Variants in PTPRD observed in about 807,000 individuals in gnomAD.
The protein encoded by PTPRD is protein tyrosine phosphatase receptor type D, also known as receptor-type tyrosine-protein phosphatase delta.
A neutral mutation model predicts 214.5 loss-of-function variants in PTPRD; 34 were observed. The observed-to-expected ratio is 0.16, with a 90% confidence interval of 0.12 to 0.21. PTPRD has a LOEUF of 0.21. Among genes scored for constraint, PTPRD ranks in the 10% least tolerant of loss-of-function variants. The pLI, the probability that PTPRD is intolerant of heterozygous loss-of-function variation, is 1.00. For missense variants in PTPRD, 2,545 were observed against 2,398.7 expected (o/e 1.06, Z -1.27); for synonymous variants, 1,128 against 845.7 (o/e 1.33, Z -5.79).
chr9:10,349,869 C>T lies in PTPRD; in HGVS notation c.-599-8852G>A, dbSNP rs532115032. Among the ~76,000 whole-genome samples the T allele has an allele frequency of 3.9e-4, 60 of 152,250 alleles. No homozygotes were observed. In the South Asian group the frequency reaches 1.0e-2, roughly 25 times the overall value. On this transcript the variant is annotated intron_variant, in intron 2 of 45. Transcript: ENST00000381196. The stretch of plus-strand genomic sequence containing the variant: ...TAGAGACAGGGTTTCACCATATTGG[C>T]CAGGTAGGTCTCGAACTCCTGACCT...
intron 3 of PTPRD, among the ~76,000 whole-genome samples, chr9:10,255,133 G>A (rs570634280): frequency 2.0e-5 from 3 of 152,334 alleles, no homozygotes; most frequent in East Asian, 3.9e-4. Flanking sequence ...ATCTGGCTCT[G>A]CTAACCTCAA....
At chr9:9,048,740 C>G (rs1253774504) in intron 10 of PTPRD, among the ~76,000 whole-genome samples, 2 of 152,012 alleles carry the variant, frequency 1.3e-5, no homozygotes, top group Non-Finnish European at 2.9e-5. Flanking sequence ...TGAATAAGAC[C>G]TGCTATTTGA....
At chr9:8,976,882 G>T (rs962697159) in intron 11 of PTPRD, among the ~76,000 whole-genome samples, 1 of 152,044 alleles carries the variant, frequency 6.6e-6, no homozygotes, top group African/African-American at 2.4e-5. Context: ...TTTTTTCTAC[G>T]AGGATGATGT....
intron 3 of PTPRD, among the ~76,000 whole-genome samples, chr9:10,298,173 A>T (rs1046460131): frequency 1.1e-4 from 16 of 152,110 alleles, no homozygotes. Context: ...ATCAAACAAC[A>T]ATCTTCTTTA....
intron 14 of PTPRD, among the ~76,000 whole-genome samples, chr9:8,536,660 A>C (rs2077015745): frequency 6.6e-6 from 1 of 151,988 alleles, no homozygotes. Flanking sequence ...TGTAATTTCT[A>C]CTTAATTACC....
At chr9:8,750,451 C>T (rs10123888) in intron 11 of PTPRD, among the ~76,000 whole-genome samples, 8,727 of 152,084 alleles carry the variant, frequency 0.057, 642 homozygotes, top group African/African-American at 0.17. Flanking sequence ...AGCCACCATG[C>T]CCGGCCAAGT....
intron 5 of PTPRD, among the ~76,000 whole-genome samples, chr9:9,866,408 CATAA>C (rs2063960165): frequency 6.6e-6 from 1 of 151,986 alleles, no homozygotes; most frequent in African/African-American, 2.4e-5. Context: ...ATGTGGTGGC[CATAA>C]ATATGTTTTT....
intron 7 of PTPRD, among the ~76,000 whole-genome samples, chr9:9,614,204 GT>G (rs1377936920): frequency 2.0e-5 from 3 of 151,928 alleles, no homozygotes; most frequent in Non-Finnish European, 4.4e-5. Context: ...TTACAAAGTG[GT>G]TAATTTTAGA....
At chr9:8,920,245 G>T (rs1229595950) in intron 11 of PTPRD, among the ~76,000 whole-genome samples, 1 of 151,948 alleles carries the variant, frequency 6.6e-6, no homozygotes, top group East Asian at 1.9e-4. Context: ...GGGGGCTGAG[G>T]CAGGAGAATT....
chr9:10,413,430 C>T (rs2098457132), intron 2 of PTPRD, among the ~76,000 whole-genome samples: 1 of 151,880 alleles, frequency 6.6e-6, no homozygotes, highest in Non-Finnish European at 1.5e-5. Flanking sequence ...ATGATAAGAA[C>T]TACAAAATAT....
intron 10 of PTPRD, among the ~76,000 whole-genome samples, chr9:9,073,554 G>A (rs1435359838): frequency 6.6e-6 from 1 of 152,054 alleles, no homozygotes; most frequent in African/African-American, 2.4e-5. Context: ...TAAATTTGCT[G>A]AAGGCCAAGA....
intron 8 of PTPRD, among the ~76,000 whole-genome samples, chr9:9,556,489 T>C (rs2081536900): frequency 6.6e-6 from 1 of 152,212 alleles, no homozygotes; most frequent in Non-Finnish European, 1.5e-5. Context: ...ATAACAGTCA[T>C]AAATAGATTG....
chr9:9,062,745 A>C (rs935334223), intron 10 of PTPRD, among the ~76,000 whole-genome samples: 17 of 152,204 alleles, frequency 1.1e-4, no homozygotes, highest in Non-Finnish European at 1.5e-5. Flanking sequence ...TGTAAATATC[A>C]TATGGCTGCT....
chr9:9,261,830 A>G (rs2099980264), intron 9 of PTPRD, among the ~76,000 whole-genome samples: 1 of 151,822 alleles, frequency 6.6e-6, no homozygotes, highest in Non-Finnish European at 1.5e-5. Context: ...TTATCTCTGC[A>G]AGGAGTGGAA....
chr9:8,405,510 G>C (rs1168084917), intron 35 of PTPRD, among the ~76,000 whole-genome samples: 1 of 151,822 alleles, frequency 6.6e-6, no homozygotes, highest in Non-Finnish European at 1.5e-5. Context: ...TATTTAAGTA[G>C]AATCATCATT....
intron 4 of PTPRD, among the ~76,000 whole-genome samples, chr9:10,017,981 T>C (rs2096758234): frequency 6.6e-6 from 1 of 152,172 alleles, no homozygotes; most frequent in Non-Finnish European, 1.5e-5. Context: ...TTCTAGGACT[T>C]AGCTTCTACC....
chr9:9,378,688 T>C (rs1272877821), intron 9 of PTPRD, among the ~76,000 whole-genome samples: 4 of 151,972 alleles, frequency 2.6e-5, no homozygotes, highest in Non-Finnish European at 4.4e-5. Context: ...GTTTTGTCAG[T>C]GTTCTGGGAT....
intron 3 of PTPRD, among the ~76,000 whole-genome samples, chr9:10,241,513 A>G (rs1400950888): frequency 1.3e-5 from 2 of 152,008 alleles, no homozygotes; most frequent in Non-Finnish European, 2.9e-5. Context: ...CTACTACTTC[A>G]CAACAAAAAG....
intron 22 of PTPRD, among the ~76,000 whole-genome samples, chr9:8,507,024 C>T (rs532130588): frequency 1.3e-5 from 2 of 152,096 alleles, no homozygotes; most frequent in African/African-American, 4.8e-5. Context: ...ATCTATGGAA[C>T]TTGGAACTCT....
Sources: gnomAD v4.1 joint callset for allele counts (sites outside exome capture counted in the v4.1 genomes callset) on GRCh38, gnomAD v4.1.1 for gene constraint, MANE v1.5 for transcripts, NCBI Gene and HGNC (gene_info 2026-07-23, HGNC 2026-07-21) for gene names.